The following VSTM2B variants were observed in gnomAD, a reference collection of about 807,000 sequenced individuals.
The protein encoded by VSTM2B is V-set and transmembrane domain containing 2B.
VSTM2B carries 24 observed loss-of-function variants against 24.0 expected under a neutral mutation model. That is an observed-to-expected ratio of 1.00 (90% CI 0.72 to 1.40). VSTM2B has a LOEUF of 1.40. VSTM2B is among the 40% of genes most tolerant of loss of function. The pLI is 0.00. For missense variants in VSTM2B, 399 were observed against 416.4 expected (o/e 0.96, Z 0.36); for synonymous variants, 226 against 194.4 (o/e 1.16, Z -1.35).
rs1243499793 is a variant in VSTM2B at position 29,526,631 on chromosome 19, G to T, written c.48G>T (p.Leu16=). The change falls in exon 1 of 5, where the codon CTG becomes CTT. Residue 16 remains leucine, a synonymous_variant. Transcript: ENST00000335523. The surrounding 1 kb of genome is among the most constrained non-coding windows in gnomAD (Gnocchi z 4.1). ...RLGALGYLPP[L]LLHALLLFVA... The stretch of plus-strand genomic sequence containing the variant: ...GTGCCCTCGGATACCTGCCGCCTCT[G>T]CTGCTGCATGCCCTGCTGCTCTTCG... The T allele has an allele frequency of 1.3e-6, 2 of 1,530,876 alleles. No homozygotes were observed. The highest frequency in any genetic ancestry group is 1.2e-5 in the South Asian group (1 of 83,020). The allele number at this position is 1,530,876 out of a possible 1,614,324, so 94.8% of individuals were successfully genotyped here.
intron 4 of VSTM2B, among the ~76,000 whole-genome samples, chr19:29,551,164 G>A (rs1970276184): frequency 3.9e-5 from 6 of 152,170 alleles, no homozygotes; most frequent in Admixed American, 1.3e-4. Flanking sequence ...TCTGCACTCC[G>A]TTCCACAGCA....
chr19:29,557,892 C>G (rs548992366), intron 4 of VSTM2B, among the ~76,000 whole-genome samples: 1 of 152,222 alleles, frequency 6.6e-6, no homozygotes, highest in African/African-American at 2.4e-5. Flanking sequence ...GCAAAAGAAA[C>G]TATCATCAGA....
rs570331858 is a variant in VSTM2B, at chr19:29,556,765, A to G, written c.770-7081A>G. On this transcript the variant is annotated intron_variant, in intron 4 of 4. Coordinates refer to ENST00000335523, the MANE Select transcript of VSTM2B (RefSeq NM_001146339.2). Reference sequence around the variant, plus strand: ...AGACAAAAAGAGAGCCAAATCACAAATGAACTCCCATTCACAATTGTTTCA... The same window carrying G: ...AGACAAAAAGAGAGCCAAATCACAAGTGAACTCCCATTCACAATTGTTTCA... Among the ~76,000 whole-genome samples the G allele has an allele frequency of 5.9e-5, 9 of 152,316 alleles. No individual in the cohort carries two copies. The East Asian group carries it at 1.7e-3, about 29-fold the overall frequency.
At position 29,564,055 on chromosome 19, in the gene VSTM2B, AAAAT is replaced by A; in HGVS notation, c.*130_*133del. ...GAGACGCATGAAAAAGTCCACATGG[AAAAT>A]AAATAAATCATATTTTTGGGAAAGT... On this transcript the variant is annotated 3_prime_UTR_variant, in exon 5 of 5. Transcript: ENST00000335523. 1 of 727,146 alleles carries A rather than the reference AAAAT, an allele frequency of 1.4e-6. No homozygotes were observed. Among genetic ancestry groups the A allele is most frequent in the African/African-American group, 1.8e-5 (1 of 56,116 alleles). 45.0% of individuals were successfully genotyped at this position (727,146 alleles called of 1,614,324 possible). A position where few individuals can be genotyped will look rare whatever the true frequency, so the allele number is the denominator to read the frequency against.
intron 4 of VSTM2B, among the ~76,000 whole-genome samples, chr19:29,530,553 C>A (rs1969730603): frequency 6.6e-6 from 1 of 152,120 alleles, no homozygotes; most frequent in South Asian, 2.1e-4. Context: ...CCTCAGGGTA[C>A]GCTGGAGGCT....
In VSTM2B at chr19:29,529,825, C is replaced by G. The variant is rs771802826; in HGVS notation, c.304C>G (p.Arg102Gly). The stretch of plus-strand genomic sequence containing the variant: ...TAACCCTGCTCTCTTGCAGACCGTA[C>G]GCGTCCAGGGCAATGACATCTCACA... ...NKDATKISTV[R>G]VQGNDISHRL... is the part of the protein sequence containing the mutation. The change falls in exon 4 of 5, where the codon CGC (arginine) becomes GGC (glycine). Residue 102 changes from arginine (R) to glycine (G), a missense_variant. Arg to Gly is a moderately radical substitution (Grantham distance 125, BLOSUM62 -2). Coordinates refer to ENST00000335523, the MANE Select transcript of VSTM2B (RefSeq NM_001146339.2). 3 of 1,549,216 alleles carry G rather than the reference C, an allele frequency of 1.9e-6. No homozygotes were observed. Among genetic ancestry groups the G allele is most frequent in the Non-Finnish European group, 1.7e-6 (2 of 1,146,326 alleles).
chr19:29,559,002 A>C (rs1198101969), intron 4 of VSTM2B, among the ~76,000 whole-genome samples: 1 of 152,244 alleles, frequency 6.6e-6, no homozygotes, highest in Non-Finnish European at 1.5e-5. Context: ...GAACACTTTT[A>C]CACTGTTGGT....
rs2145450729 is a variant in VSTM2B, at chr19:29,526,239, G to A, written c.-345G>A. Among the ~76,000 whole-genome samples the A allele has an allele frequency of 6.6e-6, 1 of 152,080 alleles. No individual in the cohort carries two copies. Among genetic ancestry groups the A allele is most frequent in the East Asian group, 2.0e-4 (1 of 5,124 alleles). On this transcript the variant is annotated 5_prime_UTR_variant, in exon 1 of 5. Transcript: ENST00000335523. This position sits in a 1 kb window ranked among gnomAD's most constrained non-coding sequence, Gnocchi z 4.1. ...CTCCCTCGGCCAGGGATGGGTCCCG[G>A]CGCGGCCCAGCCCCTGCCCGGCCCG...
At chr19:29,527,442 G>A (rs1969610051) in intron 2 of VSTM2B, 47 bp downstream of exon 2, 2 of 1,412,664 alleles carry the variant, frequency 1.4e-6, no homozygotes, top group Non-Finnish European at 1.8e-6. Context: ...GCTCGCGCCC[G>A]GGGCGGCGAA....
Position 29,528,341 on chromosome 19 carries a change from G to A in VSTM2B, c.268-92G>A, listed in dbSNP as rs554857930. The A allele has an allele frequency of 9.9e-5, 150 of 1,519,456 alleles. No homozygotes were observed. The East Asian group carries it at 3.4e-3, about 35-fold the overall frequency. The allele number at this position is 1,519,456 out of a possible 1,614,324, so 94.1% of individuals were successfully genotyped here. A position where few individuals can be genotyped will look rare whatever the true frequency, so the allele number is the denominator to read the frequency against. On this transcript the variant is annotated intron_variant, in intron 2 of 4. Coordinates refer to ENST00000335523, the MANE Select transcript of VSTM2B (RefSeq NM_001146339.2). ...CGGGCGGTTTCGGTCCTAGCCTGCC[G>A]GAGGAGGGTGCCCTTGCCTAAAGGC... is the stretch of plus-strand genomic sequence containing the variant.
chr19:29,536,195 G>A (rs1465770908), intron 4 of VSTM2B, among the ~76,000 whole-genome samples: 1 of 152,212 alleles, frequency 6.6e-6, no homozygotes, highest in Non-Finnish European at 1.5e-5. Context: ...AACCAGAGAT[G>A]GCAGTGTGGA....
intron 4 of VSTM2B, among the ~76,000 whole-genome samples, chr19:29,531,803 TG>T (rs1969765689): frequency 6.6e-6 from 1 of 152,254 alleles, no homozygotes; most frequent in South Asian, 2.1e-4. Context: ...GCCAGTGGCT[TG>T]ACACAATTCA....
chr19:29,541,961 A>AGTGGATGGGTAGATGGGTTG (rs1970029357), intron 4 of VSTM2B, among the ~76,000 whole-genome samples: 1 of 151,004 alleles, frequency 6.6e-6, no homozygotes, highest in Non-Finnish European at 1.5e-5. Context: ...AAGGATGATG[A>AGTGGATGGGTAGATGGGTTG]GTGGATGGGT....
At position 29,529,971 on chromosome 19, in the gene VSTM2B, G is replaced by C; in HGVS notation, c.450G>C (p.Ser150=). 1 of 1,546,482 alleles carries C rather than the reference G, an allele frequency of 6.5e-7. No individual in the cohort carries two copies. The highest frequency in any genetic ancestry group is 8.7e-7 in the Non-Finnish European group (1 of 1,146,522). Residue 150 remains serine, a synonymous_variant, in exon 4 of 5, where the codon TCG becomes TCC. Coordinates refer to ENST00000335523, the MANE Select transcript of VSTM2B (RefSeq NM_001146339.2). ...HKAQAMLRVL[S]RFAPPNMQAA... ...CCCAGGCGATGCTGCGCGTGCTCTC[G>C]CGCTTCGCGCCGCCCAACATGCAGG...
chr19:29,526,614 G>A lies in VSTM2B; in HGVS notation c.31G>A (p.Gly11Arg). ...ACAGCGGAACCGGCTCGGTGCCCTC[G>A]GATACCTGCCGCCTCTGCTGCTGCA... Reference protein sequence around the residue: MEQRNRLGALGYLPPLLLHAL... With the variant: MEQRNRLGALRYLPPLLLHAL... The change falls in exon 1 of 5, where the codon GGA (glycine) becomes AGA (arginine). Residue 11 changes from glycine to arginine, a missense_variant. By Grantham distance (125) the Gly-to-Arg change is moderately radical (BLOSUM62 -2). Coordinates refer to ENST00000335523, the MANE Select transcript of VSTM2B (RefSeq NM_001146339.2). The surrounding 1 kb of genome is among the most constrained non-coding windows in gnomAD (Gnocchi z 4.1). The A allele has an allele frequency of 3.3e-6, 5 of 1,529,226 alleles. No homozygotes were observed. The highest frequency in any genetic ancestry group is 1.8e-4 in the Middle Eastern group (1 of 5,710). The allele number at this position is 1,529,226 out of a possible 1,614,324, so 94.7% of individuals were successfully genotyped here.
intron 4 of VSTM2B, among the ~76,000 whole-genome samples, chr19:29,544,916 C>T (rs546793162): frequency 6.6e-6 from 1 of 152,330 alleles, no homozygotes; most frequent in South Asian, 2.1e-4. Context: ...GGTTCCGGCA[C>T]CGTGCTGGGT....
intron 4 of VSTM2B, among the ~76,000 whole-genome samples, chr19:29,533,610 TG>T (rs146335739): frequency 0.022 from 3,371 of 152,324 alleles, 116 homozygotes; most frequent in African/African-American, 0.075. Context: ...ATGGCAGACC[TG>T]TCATTCACAA....
chr19:29,529,109 T>C (rs1212613533), intron 3 of VSTM2B: 1 of 985,258 alleles, frequency 1.0e-6, no homozygotes, highest in East Asian at 1.1e-4. Context: ...GAGGGCTCCC[T>C]GGGTGTTTGT....
At chr19:29,560,256 G>A (rs1347999506) in intron 4 of VSTM2B, among the ~76,000 whole-genome samples, 1 of 152,166 alleles carries the variant, frequency 6.6e-6, no homozygotes, top group African/African-American at 2.4e-5. Flanking sequence ...ATGGGGAAGG[G>A]GGACTTGTAG....
Sources: gnomAD v4.1 joint callset for allele counts (sites outside exome capture counted in the v4.1 genomes callset) on GRCh38, gnomAD v4.1.1 for gene constraint, Gnocchi (gnomAD v3.1) non-coding constraint, MANE v1.5 for transcripts, NCBI Gene and HGNC (gene_info 2026-07-23, HGNC 2026-07-21) for gene names.